ANO3: variants seen among roughly 807,000 people sequenced by gnomAD.
The protein encoded by ANO3 is anoctamin-3.
In ANO3, 99 loss-of-function variants were observed where a neutral mutation model predicts 144.8. The observed-to-expected ratio is 0.68, with a 90% CI of 0.58 to 0.81. The LOEUF (loss-of-function observed/expected upper bound fraction) is 0.81. Among genes scored for constraint, ANO3 ranks in the 30% least tolerant of loss-of-function variants. ANO3 has a pLI of 0.00. For missense variants in ANO3, 905 were observed against 1,202.2 expected, an observed-to-expected ratio of 0.75 and a Z score of 3.66; for synonymous variants, 414 against 392.6, an observed-to-expected ratio of 1.05 and a Z score of -0.64.
chr11:26,280,273 C>A (rs1340001751), intron 1 of ANO3, among the ~76,000 whole-genome samples: 1 of 152,114 alleles, frequency 6.6e-6, no homozygotes, highest in Non-Finnish European at 1.5e-5. Context: ...ACCCCGCTAG[C>A]CTTCACCATT....
At chr11:26,323,266 T>C (rs1468237962) in intron 1 of ANO3, among the ~76,000 whole-genome samples, 1 of 152,138 alleles carries the variant, frequency 6.6e-6, no homozygotes, top group Non-Finnish European at 1.5e-5. Flanking sequence ...CTAGGTGCTA[T>C]TAGGGTCTTG....
intron 17 of ANO3, among the ~76,000 whole-genome samples, chr11:26,618,541 C>A (rs781606952): frequency 1.1e-4 from 17 of 152,116 alleles, no homozygotes; most frequent in Non-Finnish European, 1.9e-4. Context: ...AGTAAACGTG[C>A]TTGTCATGTG....
chr11:26,633,616 G>C (rs906139966), intron 18 of ANO3, among the ~76,000 whole-genome samples: 8 of 152,212 alleles, frequency 5.3e-5, no homozygotes, highest in African/African-American at 1.9e-4. Context: ...TGATAGCAGA[G>C]AGAATCCTGA....
chr11:26,565,015 C>T (rs1421774061), intron 14 of ANO3: 6 of 709,012 alleles, frequency 8.5e-6, no homozygotes, highest in Non-Finnish European at 1.3e-5. Flanking sequence ...TTTCTAGTGA[C>T]TATAATGATC....
chr11:26,617,665 TA>T, intron 17 of ANO3, among the ~76,000 whole-genome samples: 1 of 152,324 alleles, frequency 6.6e-6, no homozygotes, highest in South Asian at 2.1e-4. Context: ...GAGTAGACCA[TA>T]AATACTTCTC....
At chr11:26,541,644 G>C (rs562162226) in intron 10 of ANO3, among the ~76,000 whole-genome samples, 1 of 13,372 alleles carries the variant, frequency 7.5e-5, no homozygotes, top group African/African-American at 1.7e-4. Flanking sequence ...TGAAGATATT[G>C]TGTTTATTAA....
chr11:26,430,116 C>T (rs1320460820), intron 1 of ANO3, among the ~76,000 whole-genome samples: 2 of 151,916 alleles, frequency 1.3e-5, no homozygotes, highest in Non-Finnish European at 1.5e-5. Context: ...AAAAGATTAA[C>T]CAGGCATGAT....
rs960023038 is a variant in ANO3 at position 26,593,480 on chromosome 11, G to A, written c.1448-4885G>A. 3.0e-4 allele frequency among the ~76,000 whole-genome samples: 45 copies of A among 152,132 alleles called. 1 individual carries two copies. Among genetic ancestry groups the A allele is most frequent in the African/African-American group, 1.1e-3 (44 of 41,440 alleles). On this transcript the variant is annotated intron_variant, in intron 14 of 26. Transcript: ENST00000256737. ...CGGGGCAGGACAGTAAGACTAAGAA[G>A]GCCGCGCCAGTGTCCTGGGGACAGT...
intron 3 of ANO3, among the ~76,000 whole-genome samples, chr11:26,461,816 A>G (rs1200086466): frequency 2.0e-5 from 3 of 152,044 alleles, no homozygotes; most frequent in African/African-American, 4.8e-5. Context: ...AAGAAATTAT[A>G]CCCACTTTAT....
intron 24 of ANO3, among the ~76,000 whole-genome samples, chr11:26,654,848 A>C (rs923478763): frequency 1.3e-5 from 2 of 152,132 alleles, no homozygotes; most frequent in African/African-American, 2.4e-5. Context: ...TATTAATATG[A>C]TCATATGATT....
At chr11:26,538,215 C>A (rs1399598239) in intron 10 of ANO3, among the ~76,000 whole-genome samples, 7 of 152,166 alleles carry the variant, frequency 4.6e-5, no homozygotes, top group Non-Finnish European at 8.8e-5. Context: ...TTAATCCTTG[C>A]AACAACCCTT....
At position 26,424,254 on chromosome 11, in the gene ANO3, C is replaced by G. The variant is rs956399929; in HGVS notation, c.47-17664C>G. Among the ~76,000 whole-genome samples the G allele has an allele frequency of 2.2e-5, 3 of 138,732 alleles. No individual in the cohort carries two copies. In the Admixed American group the frequency reaches 2.2e-4, roughly 10 times the overall value. 91.0% of individuals were successfully genotyped at this position (138,732 alleles called of 152,430 possible). ...TATCTTTGACTAAAATCTCCCCCCC[C>G]ACACACACACACATACACATAAACA... On this transcript the variant is annotated intron_variant, in intron 1 of 26. Coordinates refer to ENST00000256737, the MANE Select transcript of ANO3 (RefSeq NM_031418.4).
intron 1 of ANO3, among the ~76,000 whole-genome samples, chr11:26,204,355 T>G (rs1483895559): frequency 6.7e-6 from 1 of 150,352 alleles, no homozygotes; most frequent in Non-Finnish European, 1.5e-5. Context: ...CTGCAACACA[T>G]TCTAGAAGGG....
intron 1 of ANO3, among the ~76,000 whole-genome samples, chr11:26,273,143 G>A (rs551730841): frequency 2.0e-5 from 3 of 151,610 alleles, no homozygotes; most frequent in Non-Finnish European, 2.9e-5. Context: ...TGGACAATAA[G>A]AACCCTTTTT....
chr11:26,447,970 T>C (rs1858764094), intron 3 of ANO3, among the ~76,000 whole-genome samples: 1 of 152,156 alleles, frequency 6.6e-6, no homozygotes, highest in African/African-American at 2.4e-5. Flanking sequence ...ATTCTTCCCA[T>C]GCCCATGTGG....
intron 6 of ANO3, 50 bp downstream of exon 6, chr11:26,516,977 C>G (rs1265516839): frequency 8.6e-7 from 1 of 1,160,126 alleles, no homozygotes; most frequent in East Asian, 2.6e-5. Context: ...TAAAATGAGT[C>G]TATCTTTGCA....
chr11:26,515,702 T>C (rs1217122936), intron 5 of ANO3, among the ~76,000 whole-genome samples: 1 of 152,026 alleles, frequency 6.6e-6, no homozygotes, highest in Non-Finnish European at 1.5e-5. Context: ...TTAAGATTCA[T>C]ATGTTTCTTG....
intron 1 of ANO3, among the ~76,000 whole-genome samples, chr11:26,389,869 T>G (rs1856830853): frequency 6.6e-6 from 1 of 152,130 alleles, no homozygotes; most frequent in Non-Finnish European, 1.5e-5. Flanking sequence ...ACAATAAACC[T>G]GATGTATTTT....
At chr11:26,570,356 C>T (rs1258190882) in intron 14 of ANO3, among the ~76,000 whole-genome samples, 1 of 152,054 alleles carries the variant, frequency 6.6e-6, no homozygotes, top group Non-Finnish European at 1.5e-5. Context: ...AGCAAACCCA[C>T]ATTCACTGTC....
Sources: gnomAD v4.1 joint callset for allele counts (sites outside exome capture counted in the v4.1 genomes callset) on GRCh38, gnomAD v4.1.1 for gene constraint, MANE v1.5 for transcripts, NCBI Gene and HGNC (gene_info 2026-07-23, HGNC 2026-07-21) for gene names.